HEATR4: variants seen among roughly 807,000 people sequenced by gnomAD.
HEATR4 encodes HEAT repeat containing 4.
A neutral mutation model predicts 108.8 loss-of-function variants in HEATR4; 95 were observed. The observed-to-expected ratio is 0.87, with a 90% CI of 0.74 to 1.04. The LOEUF is 1.04. HEATR4 is among the 50% of genes least tolerant of loss of function. HEATR4 has a pLI of 0.00. For missense variants in HEATR4, 1,152 were observed against 1,253.8 expected, an observed-to-expected ratio of 0.92 and a Z score of 1.23; for synonymous variants, 443 against 459.4, an observed-to-expected ratio of 0.96 and a Z score of 0.46.
chr14:73,591,977 C>G, the HEATR4 span: 2 of 1,401,924 alleles, frequency 1.4e-6, no homozygotes, highest in Non-Finnish European at 1.9e-6. Context: ...CAACGCTGAT[C>G]CTGGAGCCCC....
the HEATR4 span, chr14:73,595,056 G>C: frequency 6.2e-7 from 1 of 1,613,334 alleles, no homozygotes; most frequent in African/African-American, 1.3e-5. Context: ...CAGGTAAAAG[G>C]CCCAGGCATT....
At chr14:73,523,965 C>G (rs1888135415) in intron 2 of HEATR4, among the ~76,000 whole-genome samples, 1 of 152,056 alleles carries the variant, frequency 6.6e-6, no homozygotes, top group African/African-American at 2.4e-5. Flanking sequence ...TCCAGCACAC[C>G]TATTGCTACA....
At chr14:73,595,154 G>A in the HEATR4 span, 2 of 1,614,206 alleles carry the variant, frequency 1.2e-6, no homozygotes, top group Middle Eastern at 3.3e-4. Context: ...TTCCATCAAT[G>A]GATCTGGGAT....
intron 8 of HEATR4, 112 bp from the exon 9 acceptor site, chr14:73,508,406 G>A: frequency 1.2e-6 from 1 of 833,250 alleles, no homozygotes; most frequent in Non-Finnish European, 2.0e-6. Flanking sequence ...TCACTTCCTT[G>A]TGCCCCACTC....
chr14:73,568,406 A>G, the HEATR4 span, among the ~76,000 whole-genome samples: 1 of 151,898 alleles, frequency 6.6e-6, no homozygotes, highest in Non-Finnish European at 1.5e-5. Context: ...AAAAAGTAGA[A>G]AAAAGCGCGA....
the HEATR4 span, among the ~76,000 whole-genome samples, chr14:73,596,787 C>T: frequency 6.6e-6 from 1 of 151,820 alleles, no homozygotes; most frequent in East Asian, 1.9e-4. Flanking sequence ...TTAGTAGAGA[C>T]AGGGTTTCAC....
rs398025658 is a variant in HEATR4 at position 73,529,377 on chromosome 14, AT to A, written c.-73+788del. ...CTCAAAAAAAAAAAAAAAAAAAAAA[AT>A]TAAGTCAATCCTGGCATAACTGCAG... is the stretch of plus-strand genomic sequence containing the variant. On this transcript the variant is annotated intron_variant, in intron 2 of 17. Coordinates refer to ENST00000553558, the MANE Select transcript of HEATR4 (RefSeq NM_001220484.1). Among the ~76,000 whole-genome samples, 36 of 137,110 alleles carry A rather than the reference AT, an allele frequency of 2.6e-4. 1 individual carries two copies. Among genetic ancestry groups the A allele is most frequent in the Admixed American group, 7.0e-4 (9 of 12,782 alleles). 89.9% of individuals were successfully genotyped at this position (137,110 alleles called of 152,430 possible).
At chr14:73,569,447 G>A in the HEATR4 span, 3 of 1,613,694 alleles carry the variant, frequency 1.9e-6, no homozygotes, top group African/African-American at 1.3e-5. Context: ...CGCTGATCCT[G>A]GAGCCTGCGG....
At chr14:73,595,958 CT>C in the HEATR4 span, 1 of 225,372 alleles carries the variant, frequency 4.4e-6, no homozygotes. Context: ...AAGCTGGTGA[CT>C]TTTTCCATCA....
the HEATR4 span, among the ~76,000 whole-genome samples, chr14:73,585,823 T>TTTC: frequency 1.6e-5 from 2 of 127,514 alleles, no homozygotes; most frequent in African/African-American, 7.8e-5. Flanking sequence ...TCTTTTTCTT[T>TTTC]TTTTTTTTTT....
At chr14:73,588,765 C>T in the HEATR4 span, among the ~76,000 whole-genome samples, 137 of 152,150 alleles carry the variant, frequency 9.0e-4, 1 homozygote, top group Admixed American at 8.5e-3. Flanking sequence ...TCTTGATTTT[C>T]CATCCAATAC....
At chr14:73,575,212 T>TA in the HEATR4 span, 1 of 980,422 alleles carries the variant, frequency 1.0e-6, no homozygotes, top group Middle Eastern at 3.1e-4. Flanking sequence ...CTGTTCCTGG[T>TA]AGGTCAGGAT....
At chr14:73,597,662 C>T in the HEATR4 span, among the ~76,000 whole-genome samples, 5 of 139,834 alleles carry the variant, frequency 3.6e-5, no homozygotes, top group East Asian at 8.6e-4. Flanking sequence ...AGCACAATCT[C>T]GGCTCACCAC....
At chr14:73,619,681 T>C in the HEATR4 span, 1 of 1,614,168 alleles carries the variant, frequency 6.2e-7, no homozygotes, top group East Asian at 2.2e-5. Flanking sequence ...TTTTCCTCCT[T>C]CTAGAGCTTC....
At chr14:73,612,251 GC>G in the HEATR4 span, among the ~76,000 whole-genome samples, 92 of 152,228 alleles carry the variant, frequency 6.0e-4, no homozygotes, top group African/African-American at 2.0e-3. Flanking sequence ...TGTTGGTCAG[GC>G]TGGTCTTGAA....
At chr14:73,595,534 T>TA in the HEATR4 span, 26 of 1,610,810 alleles carry the variant, frequency 1.6e-5, no homozygotes, top group African/African-American at 2.3e-4. Flanking sequence ...ACAAACATGT[T>TA]ATATGGGGTG....
At chr14:73,616,132 A>C in the HEATR4 span, among the ~76,000 whole-genome samples, 1 of 152,012 alleles carries the variant, frequency 6.6e-6, no homozygotes, top group Non-Finnish European at 1.5e-5. Context: ...ATGCCCAGCT[A>C]GTTTTTTAAA....
chr14:73,613,078 C>T, the HEATR4 span: 10 of 559,358 alleles, frequency 1.8e-5, no homozygotes, highest in Non-Finnish European at 2.1e-5. Flanking sequence ...CCCACCGGCC[C>T]CTTTCCTGTC....
intron 17 of HEATR4, chr14:73,491,444 G>A: frequency 1.4e-6 from 2 of 1,384,680 alleles, no homozygotes; most frequent in Non-Finnish European, 1.9e-6. Flanking sequence ...GGTCCGGGTG[G>A]TGGAGACCTC....
Sources: allele counts gnomAD v4.1 joint callset (sites outside exome capture counted in the v4.1 genomes callset), GRCh38; gene constraint gnomAD v4.1.1; transcripts MANE v1.5; gene names NCBI Gene and HGNC (gene_info 2026-07-23, HGNC 2026-07-21).